The following ERBB4 variants were observed in gnomAD, a reference collection of about 807,000 sequenced individuals.
The protein encoded by ERBB4 is erb-b2 receptor tyrosine kinase 4.
ERBB4 carries 42 observed loss-of-function variants against 158.0 expected under a neutral mutation model. That is an observed-to-expected ratio of 0.27 (90% CI 0.21 to 0.34). The LOEUF (loss-of-function observed/expected upper bound fraction) is 0.34. Among genes scored for constraint, ERBB4 ranks in the 10% least tolerant of loss-of-function variants. The pLI, the probability that ERBB4 is intolerant of heterozygous loss-of-function variation, is 1.00. For synonymous variants in ERBB4, 583 were observed against 558.7 expected (o/e 1.04, Z -0.61); for missense variants, 1,333 against 1,624.1 (o/e 0.82, Z 3.08).
intron 1 of ERBB4, among the ~76,000 whole-genome samples, chr2:212,483,969 C>A (rs1344061714): frequency 6.6e-6 from 1 of 152,126 alleles, no homozygotes; most frequent in East Asian, 1.9e-4. Context: ...ATCTCCTGAC[C>A]TCGTGATCCG....
chr2:211,797,752 CATAAAATAAGA>C (rs2076412550), intron 3 of ERBB4, among the ~76,000 whole-genome samples: 1 of 151,730 alleles, frequency 6.6e-6, no homozygotes, highest in African/African-American at 2.4e-5. Context: ...AAGAAGGAGT[CATAAAATAAGA>C]TTGCAAGCAA....
intron 1 of ERBB4, among the ~76,000 whole-genome samples, chr2:212,527,920 TCC>T (rs1692539652): frequency 6.9e-6 from 1 of 143,992 alleles, no homozygotes; most frequent in Non-Finnish European, 1.5e-5. Context: ...GTTCTCATTG[TCC>T]AATTCCCATC....
intron 19 of ERBB4, among the ~76,000 whole-genome samples, chr2:211,570,866 A>C (rs1225151951): frequency 6.6e-6 from 1 of 152,016 alleles, no homozygotes; most frequent in Non-Finnish European, 1.5e-5. Context: ...ATTACTCTGG[A>C]AAATGTCATC....
intron 1 of ERBB4, among the ~76,000 whole-genome samples, chr2:212,374,680 A>G (rs1258722704): frequency 1.3e-5 from 2 of 151,994 alleles, no homozygotes; most frequent in East Asian, 3.9e-4. Flanking sequence ...AAGTGAGATA[A>G]ATGACAAGAA....
chr2:211,845,797 C>T (rs11887198), intron 3 of ERBB4, among the ~76,000 whole-genome samples: 33,083 of 152,066 alleles, frequency 0.22, 3,725 homozygotes, highest in South Asian at 0.32. Context: ...ATCTTATCTA[C>T]TTTTTGTCAG....
At chr2:211,817,894 A>G (rs770539578) in intron 3 of ERBB4, among the ~76,000 whole-genome samples, 1 of 152,186 alleles carries the variant, frequency 6.6e-6, no homozygotes, top group Non-Finnish European at 1.5e-5. Flanking sequence ...GGACCCCAAC[A>G]TTGCAGAACT....
chr2:212,041,892 T>G (rs2077149792), intron 2 of ERBB4, among the ~76,000 whole-genome samples: 2 of 152,120 alleles, frequency 1.3e-5, no homozygotes, highest in Non-Finnish European at 1.5e-5. Context: ...CAACACTTTC[T>G]TTTTCATATG....
At chr2:212,333,662 C>A (rs146462991) in intron 1 of ERBB4, among the ~76,000 whole-genome samples, 2 of 149,816 alleles carry the variant, frequency 1.3e-5, no homozygotes, top group Non-Finnish European at 3.0e-5. Context: ...TCATTGCACT[C>A]CAGCCTGGGT....
At chr2:211,650,670 T>C (rs2070947582) in intron 16 of ERBB4, among the ~76,000 whole-genome samples, 2 of 152,116 alleles carry the variant, frequency 1.3e-5, no homozygotes, top group African/African-American at 4.8e-5. Context: ...TCATGATGAC[T>C]GGGCTGGAGC....
chr2:211,499,176 C>CT (rs2065552361), intron 20 of ERBB4, among the ~76,000 whole-genome samples: 1 of 152,008 alleles, frequency 6.6e-6, no homozygotes, highest in South Asian at 2.1e-4. Flanking sequence ...GGCCAGTTGC[C>CT]TTTTATACTT....
chr2:212,388,401 A>C (rs1368304673), intron 1 of ERBB4, among the ~76,000 whole-genome samples: 1 of 152,140 alleles, frequency 6.6e-6, no homozygotes, highest in East Asian at 1.9e-4. Context: ...GAATTGCTAA[A>C]TAGGAGGATC....
At chr2:212,096,382 G>T (rs887595452) in intron 2 of ERBB4, among the ~76,000 whole-genome samples, 1 of 152,068 alleles carries the variant, frequency 6.6e-6, no homozygotes, top group Non-Finnish European at 1.5e-5. Flanking sequence ...GTAACTACAG[G>T]ATATCCTTAG....
intron 25 of ERBB4, among the ~76,000 whole-genome samples, chr2:211,417,211 A>G (rs1345669754): frequency 6.6e-6 from 1 of 152,098 alleles, no homozygotes; most frequent in Admixed American, 6.5e-5. Flanking sequence ...GGTGGCTCAC[A>G]CTTGTAATCT....
At position 211,697,104 on chromosome 2, in the gene ERBB4, T is replaced by C. The variant is rs190166244; in HGVS notation, c.1489+4863A>G. ...TGGAAATATCATTTAACTTTCTTAA[T>C]GTATGTATACTCATCTGCAAATGCA... On this transcript the variant is annotated intron_variant, in intron 12 of 27. Coordinates refer to ENST00000342788, the MANE Select transcript of ERBB4 (RefSeq NM_005235.3). Among the ~76,000 whole-genome samples, 351 of 148,130 alleles carry C rather than the reference T, an allele frequency of 2.4e-3. 3 individuals are homozygous for C. Among genetic ancestry groups the C allele is most frequent in the African/African-American group, 8.6e-3 (335 of 39,054 alleles).
At chr2:211,534,993 T>A (rs1354743888) in intron 20 of ERBB4, among the ~76,000 whole-genome samples, 5 of 152,072 alleles carry the variant, frequency 3.3e-5, no homozygotes, top group African/African-American at 1.2e-4. Context: ...AAATTTATAC[T>A]ATGTCTAATT....
rs142738266 is a variant in ERBB4, at chr2:211,386,264, AC to A, written c.3481+588del. ...CAAAATTATTGTTATGCTTTGTAAAACCACAGATTATTATTTTCAAATCTTG... is the reference window on the plus strand; with the variant it reads ...CAAAATTATTGTTATGCTTTGTAAAACACAGATTATTATTTTCAAATCTTG... On this transcript the variant is annotated intron_variant, in intron 27 of 27. Coordinates refer to ENST00000342788, the MANE Select transcript of ERBB4 (RefSeq NM_005235.3). Among the ~76,000 whole-genome samples, 567 of 152,320 alleles carry A rather than the reference AC, an allele frequency of 3.7e-3. 3 individuals are homozygous for A. The highest frequency in any genetic ancestry group is 0.013 in the African/African-American group (537 of 41,580).
intron 19 of ERBB4, among the ~76,000 whole-genome samples, chr2:211,615,899 T>C (rs1009553715): frequency 1.3e-5 from 2 of 152,146 alleles, no homozygotes; most frequent in Non-Finnish European, 2.9e-5. Flanking sequence ...TAATGATTAA[T>C]AAGATTGTGC....
chr2:211,414,660 T>A (rs2063343974), intron 25 of ERBB4, among the ~76,000 whole-genome samples: 1 of 152,128 alleles, frequency 6.6e-6, no homozygotes, highest in African/African-American at 2.4e-5. Flanking sequence ...TCAGTTTAGT[T>A]TTTTTATCCA....
chr2:211,575,504 T>C (rs931757128), intron 19 of ERBB4, among the ~76,000 whole-genome samples: 18 of 152,348 alleles, frequency 1.2e-4, no homozygotes, highest in African/African-American at 3.8e-4. Flanking sequence ...TTAGTAAATT[T>C]GTTAATAACT....
Sources: allele counts gnomAD v4.1 joint callset (sites outside exome capture counted in the v4.1 genomes callset), GRCh38; gene constraint gnomAD v4.1.1; transcripts MANE v1.5; gene names NCBI Gene and HGNC (gene_info 2026-07-23, HGNC 2026-07-21).